AGBL1: variants seen among roughly 807,000 people sequenced by gnomAD.
AGBL1 encodes the protein AGBL carboxypeptidase 1, also known as cytosolic carboxypeptidase 4.
AGBL1 carries 130 observed loss-of-function variants against 118.9 expected under a neutral mutation model. That is an observed-to-expected ratio of 1.09 (90% CI 0.95 to 1.26). AGBL1 has a LOEUF of 1.26. AGBL1 is among the 50% of genes most tolerant of loss of function. The pLI is 0.00. For missense variants in AGBL1, 1,584 were observed against 1,298.1 expected, an observed-to-expected ratio of 1.22 and a Z score of -3.38; for synonymous variants, 555 against 478.9, an observed-to-expected ratio of 1.16 and a Z score of -2.08.
intron 24 of AGBL1, among the ~76,000 whole-genome samples, chr15:87,013,046 T>G (rs2081576701): frequency 6.6e-6 from 1 of 152,206 alleles, no homozygotes; most frequent in Non-Finnish European, 1.5e-5. Flanking sequence ...CATAATACTG[T>G]TAAGTATTTT....
At chr15:86,758,613 G>A (rs1190979167) in intron 22 of AGBL1, among the ~76,000 whole-genome samples, 1 of 151,888 alleles carries the variant, frequency 6.6e-6, no homozygotes, top group African/African-American at 2.4e-5. Flanking sequence ...TTATATTATG[G>A]GTGACTAAAT....
intron 22 of AGBL1, among the ~76,000 whole-genome samples, chr15:86,876,420 G>C (rs934749500): frequency 6.6e-6 from 1 of 152,082 alleles, no homozygotes; most frequent in South Asian, 2.1e-4. Flanking sequence ...TGATACTGCT[G>C]CTGACTCCCC....
Position 86,554,409 on chromosome 15 carries a change from A to G in AGBL1, c.2866A>G (p.Ser956Gly). 1 of 1,588,546 alleles carries G rather than the reference A, an allele frequency of 6.3e-7. No individual in the cohort carries two copies. The highest frequency in any genetic ancestry group is 1.8e-5 in the Admixed American group (1 of 55,770). ...GCTAGCACCAGCATTCACAATGAGC[A>G]GCTGCAGCTTTCTCGTGGAGAAATC... ...DKLAPAFTMSSCSFLVEKSRA... is the reference protein window; with the variant it reads ...DKLAPAFTMSGCSFLVEKSRA... The change falls in exon 21 of 23, where the codon AGC (serine) becomes GGC (glycine). Residue 956 changes from serine to glycine, a missense_variant. By Grantham distance (56) the Ser-to-Gly change is moderately conservative. Transcript: ENST00000614907.
chr15:86,262,926 C>T (rs748929540), intron 10 of AGBL1, 32 bp downstream of exon 10: 44 of 1,506,900 alleles, frequency 2.9e-5, no homozygotes, highest in Non-Finnish European at 3.7e-5. Flanking sequence ...TGATCTTTGA[C>T]GATGCATGAT....
chr15:86,566,151 T>G (rs2083910418), intron 21 of AGBL1, among the ~76,000 whole-genome samples: 1 of 152,104 alleles, frequency 6.6e-6, no homozygotes, highest in African/African-American at 2.4e-5. Context: ...CCCACTGTCC[T>G]ACAAGCCCCA....
In AGBL1 at chr15:86,520,186, C is replaced by T. The variant is rs139374281; in HGVS notation, c.2556-2624C>T. The stretch of plus-strand genomic sequence containing the variant: ...TGTAGTCAAAGTTGTGCTATGCATC[C>T]TTGAGCATTTTAGATGTAGATGAAG... On this transcript the variant is annotated intron_variant, in intron 18 of 22. Coordinates refer to ENST00000614907, the MANE Select transcript of AGBL1 (RefSeq NM_001386094.1). Among the ~76,000 whole-genome samples the T allele has an allele frequency of 6.2e-3, 944 of 152,190 alleles. 13 individuals are homozygous for T. Among genetic ancestry groups the T allele is most frequent in the African/African-American group, 0.021 (864 of 41,522 alleles).
intron 5 of AGBL1, among the ~76,000 whole-genome samples, chr15:86,172,148 C>A (rs1193975440): frequency 6.6e-6 from 1 of 152,214 alleles, no homozygotes; most frequent in South Asian, 2.1e-4. Context: ...AGAACTTATT[C>A]ATGTAATCAT....
chr15:86,450,645 G>A (rs989339665), intron 18 of AGBL1, among the ~76,000 whole-genome samples: 2 of 152,146 alleles, frequency 1.3e-5, no homozygotes, highest in Non-Finnish European at 2.9e-5. Flanking sequence ...TATTAGAATT[G>A]GGGTTAGAGA....
In AGBL1 at chr15:86,672,260, T is replaced by C. The variant is rs141679767; in HGVS notation, c.2995-2013T>C. On this transcript the variant is annotated intron_variant, in intron 21 of 22. Transcript: ENST00000614907. Reference sequence around the variant, plus strand: ...AGGTCTTCTGGACTACTTGTTACAATGACAACTATGACCTGAAATATGTGG... The same window carrying C: ...AGGTCTTCTGGACTACTTGTTACAACGACAACTATGACCTGAAATATGTGG... 4.2e-3 allele frequency among the ~76,000 whole-genome samples: 633 copies of C among 152,320 alleles called. 5 individuals are homozygous for C. Among genetic ancestry groups the C allele is most frequent in the East Asian group, 0.021 (111 of 5,186 alleles).
intron 24 of AGBL1, among the ~76,000 whole-genome samples, chr15:87,027,997 A>G (rs1836083): frequency 0.45 from 67,746 of 151,472 alleles, 17,165 homozygotes; most frequent in African/African-American, 0.69. Context: ...ATGTTTACCT[A>G]TGTAACAAAC....
At chr15:86,270,960 T>TGGC (rs1203380084) in intron 14 of AGBL1, among the ~76,000 whole-genome samples, 3 of 152,034 alleles carry the variant, frequency 2.0e-5, no homozygotes, top group Non-Finnish European at 4.4e-5. Context: ...ATTCTCTGCA[T>TGGC]TCCTTGGCTG....
chr15:86,316,178 T>C (rs1251199734), intron 17 of AGBL1, among the ~76,000 whole-genome samples: 1 of 152,184 alleles, frequency 6.6e-6, no homozygotes, highest in East Asian at 1.9e-4. Context: ...ATGACAGTAG[T>C]GTAAAAGGTT....
intron 21 of AGBL1, among the ~76,000 whole-genome samples, chr15:86,593,335 A>G (rs1232848841): frequency 1.3e-5 from 2 of 151,046 alleles, no homozygotes; most frequent in Non-Finnish European, 2.9e-5. Context: ...AGAAACCAAG[A>G]TCTGTGGATC....
rs1038136854 is a variant in AGBL1, at chr15:87,004,517, C to T, written c.3323+16429C>T. Among the ~76,000 whole-genome samples, 5 of 151,976 alleles carry T rather than the reference C, an allele frequency of 3.3e-5. No homozygotes were observed. The East Asian group carries it at 9.7e-4, about 29-fold the overall frequency. ...CAGAGACTAAGATTATAACCCCTGC[C>T]TTTTTTTGTTTTCCATTTGCTTGGT... On this transcript the variant is annotated intron_variant, in intron 24 of 24. Transcript: ENST00000441037.
At chr15:86,554,228 T>C (rs2083701130) in intron 20 of AGBL1, 133 bp from the exon 21 acceptor site, 3 of 789,120 alleles carry the variant, frequency 3.8e-6, no homozygotes, top group Non-Finnish European at 5.7e-6. Flanking sequence ...AGCCATTTCT[T>C]AGGGTTAATA....
chr15:86,443,627 G>A (rs78610818), intron 18 of AGBL1, among the ~76,000 whole-genome samples: 10,928 of 151,978 alleles, frequency 0.072, 496 homozygotes, highest in East Asian at 0.15. Context: ...CCCAGCCTCC[G>A]GTAACTGCTA....
intron 5 of AGBL1, among the ~76,000 whole-genome samples, chr15:86,183,330 A>C (rs1313453166): frequency 6.6e-6 from 1 of 152,208 alleles, no homozygotes; most frequent in African/African-American, 2.4e-5. Context: ...TAGAATCTTT[A>C]AATGCCTTAT....
intron 17 of AGBL1, among the ~76,000 whole-genome samples, chr15:86,337,819 T>C (rs1008046647): frequency 2.0e-5 from 3 of 152,298 alleles, no homozygotes; most frequent in Non-Finnish European, 2.9e-5. Flanking sequence ...TGTTTACCTG[T>C]GTAACAAACC....
intron 5 of AGBL1, among the ~76,000 whole-genome samples, chr15:86,217,597 A>C (rs1373162531): frequency 6.6e-6 from 1 of 152,186 alleles, no homozygotes; most frequent in Non-Finnish European, 1.5e-5. Flanking sequence ...ACAGGAAATG[A>C]CACCTAAGTT....
Sources: gnomAD v4.1 joint callset for allele counts (sites outside exome capture counted in the v4.1 genomes callset) on GRCh38, gnomAD v4.1.1 for gene constraint, MANE v1.5 for transcripts, NCBI Gene and HGNC (gene_info 2026-07-23, HGNC 2026-07-21) for gene names.